Variants in DIP2C observed in about 807,000 individuals in gnomAD.
The protein encoded by DIP2C is disco-interacting protein 2 homolog C.
In DIP2C, 33 loss-of-function variants were observed where a neutral mutation model predicts 192.4. That is an observed-to-expected ratio of 0.17 (90% CI 0.13 to 0.23). The LOEUF is 0.23. DIP2C is among the 10% of genes least tolerant of loss of function. The probability of loss-of-function intolerance (pLI) is 1.00; values close to 1 mark genes in which losing one functional copy is unlikely to be tolerated. For missense variants in DIP2C, 1,537 were observed against 2,110.1 expected (o/e 0.73, Z 5.32); for synonymous variants, 979 against 864.1 (o/e 1.13, Z -2.33).
Position 298,076 on chromosome 10 carries a change from G to A in DIP2C, c.3987-9655C>T, listed in dbSNP as rs542056720. Among the ~76,000 whole-genome samples, 16 of 152,242 alleles carry A rather than the reference G, an allele frequency of 1.1e-4. No individual in the cohort carries two copies. In the East Asian group the frequency reaches 1.9e-3, roughly 18 times the overall value. On this transcript the variant is annotated intron_variant, in intron 32 of 36. Transcript: ENST00000280886. ...AGAATTAGTAAGCCAACAGTGAGAC[G>A]ATTTAAATCTATCCTTTACTCAGCC... is the stretch of plus-strand genomic sequence containing the variant.
At chr10:532,243 C>T (rs1226352701) in intron 1 of DIP2C, among the ~76,000 whole-genome samples, 3 of 152,122 alleles carry the variant, frequency 2.0e-5, no homozygotes, top group Non-Finnish European at 1.5e-5. Flanking sequence ...TCCAGTTACC[C>T]ACTCATGTCC....
chr10:396,864 G>C (rs927216035), intron 10 of DIP2C, among the ~76,000 whole-genome samples: 8 of 123,800 alleles, frequency 6.5e-5, no homozygotes, highest in African/African-American at 1.5e-4. Flanking sequence ...CGGTGGGGGG[G>C]AAACTGGCAT....
chr10:539,990 C>T lies in DIP2C; in HGVS notation c.86-53460G>A, dbSNP rs59496312. ...ACAAGATGATCAAAAAAGCCATTTG[C>T]AGAAAGCCACTTTCCCCTTCACTTT... is the stretch of plus-strand genomic sequence containing the variant. On this transcript the variant is annotated intron_variant, in intron 1 of 36. Coordinates refer to ENST00000280886, the MANE Select transcript of DIP2C (RefSeq NM_014974.3). Among the ~76,000 whole-genome samples, 582 of 152,308 alleles carry T rather than the reference C, an allele frequency of 3.8e-3. 7 individuals are homozygous for T. Among genetic ancestry groups the T allele is most frequent in the East Asian group, 0.03 (155 of 5,194 alleles).
chr10:619,990 T>C (rs955903862), intron 1 of DIP2C, among the ~76,000 whole-genome samples: 2 of 152,134 alleles, frequency 1.3e-5, no homozygotes, highest in African/African-American at 4.8e-5. Context: ...ACTAAGCACA[T>C]CACCGGCAAG....
At chr10:593,485 A>ACCCC (rs10563749) in intron 1 of DIP2C, among the ~76,000 whole-genome samples, 19 of 64,196 alleles carry the variant, frequency 3.0e-4, no homozygotes, top group East Asian at 5.1e-4. Flanking sequence ...CCCACGCGGG[A>ACCCC]CCCCCCCCCC....
chr10:655,047 T>C (rs971640803), intron 1 of DIP2C, among the ~76,000 whole-genome samples: 168 of 152,258 alleles, frequency 1.1e-3, no homozygotes, highest in African/African-American at 3.9e-3. Flanking sequence ...ATAGGGGAAC[T>C]TGCTCAGGGG....
intron 1 of DIP2C, chr10:663,493 G>C (rs1405691455): frequency 1.3e-5 from 2 of 152,282 alleles, no homozygotes; most frequent in Non-Finnish European, 2.9e-5. Flanking sequence ...CCACAGCCCT[G>C]CATCCCAGGA....
chr10:609,383 T>G (rs1852904901), intron 1 of DIP2C, among the ~76,000 whole-genome samples: 1 of 152,202 alleles, frequency 6.6e-6, no homozygotes, highest in African/African-American at 2.4e-5. Flanking sequence ...AAATAGATCT[T>G]TACATTCACT....
intron 3 of DIP2C, among the ~76,000 whole-genome samples, chr10:460,551 T>C (rs1300315223): frequency 6.6e-6 from 1 of 152,184 alleles, no homozygotes; most frequent in Non-Finnish European, 1.5e-5. Flanking sequence ...AGGTCAATTA[T>C]GTAAGCAATA....
intron 1 of DIP2C, among the ~76,000 whole-genome samples, chr10:531,090 C>T (rs1309354843): frequency 2.0e-5 from 3 of 152,198 alleles, no homozygotes; most frequent in Admixed American, 1.3e-4. Flanking sequence ...TAAACGTCTG[C>T]GCCCAACAGC....
chr10:589,664 G>T lies in DIP2C; in HGVS notation c.85+99830C>A, dbSNP rs139153063. Among the ~76,000 whole-genome samples, 6 of 152,176 alleles carry T rather than the reference G, an allele frequency of 3.9e-5. No homozygotes were observed. The East Asian group carries it at 1.2e-3, about 29-fold the overall frequency. On this transcript the variant is annotated intron_variant, in intron 1 of 36. Coordinates refer to ENST00000280886, the MANE Select transcript of DIP2C (RefSeq NM_014974.3). ...TGTGTCCCTCCTGAGCATAATTTAC[G>T]ACTTCAGTGGATGTCTCTTTGTGAA...
At chr10:650,385 A>G (rs1351487602) in intron 1 of DIP2C, 1 of 716,760 alleles carries the variant, frequency 1.4e-6, no homozygotes, top group Non-Finnish European at 2.6e-6. Flanking sequence ...AGCCCACGGC[A>G]GCCACACGCC....
intron 8 of DIP2C, among the ~76,000 whole-genome samples, chr10:411,140 C>CTA (rs1408284393): frequency 3.9e-5 from 6 of 152,222 alleles, no homozygotes; most frequent in African/African-American, 1.4e-4. Context: ...CAGCGTGCTG[C>CTA]TAGCTCAAGC....
At chr10:329,379 G>A (rs778369895) in intron 30 of DIP2C, 54 bp downstream of exon 30, 107 of 1,540,014 alleles carry the variant, frequency 6.9e-5, no homozygotes, top group Non-Finnish European at 8.7e-5. Context: ...TGCCTTCTTA[G>A]AAAGGAGTCC....
chr10:333,919 G>A lies in DIP2C; in HGVS notation c.3585-4318C>T, dbSNP rs1162374855. Reference sequence around the variant, plus strand: ...TAATTAACGCTAGGTATCTTTTCACGTCCTTATTGGCCATTTGTATGTCTT... The same window carrying A: ...TAATTAACGCTAGGTATCTTTTCACATCCTTATTGGCCATTTGTATGTCTT... On this transcript the variant is annotated intron_variant, in intron 29 of 36. Coordinates refer to ENST00000280886, the MANE Select transcript of DIP2C (RefSeq NM_014974.3). Among the ~76,000 whole-genome samples, 4 of 152,048 alleles carry A rather than the reference G, an allele frequency of 2.6e-5. No homozygotes were observed. The South Asian group carries it at 6.2e-4, about 24-fold the overall frequency.
intron 24 of DIP2C, among the ~76,000 whole-genome samples, chr10:353,034 C>G (rs1958899330): frequency 6.6e-6 from 1 of 152,168 alleles, no homozygotes. Context: ...CTCTGGCATC[C>G]TCATCAACAT....
intron 7 of DIP2C, among the ~76,000 whole-genome samples, chr10:414,736 TGTGTAC>T (rs1475272728): frequency 7.4e-4 from 65 of 88,200 alleles, no homozygotes; most frequent in East Asian, 5.6e-3. Context: ...TGTGTGTGTG[TGTGTAC>T]ATATATATAT....
chr10:452,742 C>T (rs535743929), intron 3 of DIP2C, among the ~76,000 whole-genome samples: 2 of 152,276 alleles, frequency 1.3e-5, no homozygotes, highest in African/African-American at 4.8e-5. Context: ...GAGAAAACAC[C>T]ACACACCGCT....
Position 407,162 on chromosome 10 carries a change from G to A in DIP2C, c.1149+1764C>T, listed in dbSNP as rs541652561. Among the ~76,000 whole-genome samples, 21 of 152,302 alleles carry A rather than the reference G, an allele frequency of 1.4e-4. No homozygotes were observed. In the South Asian group the frequency reaches 4.2e-3, roughly 30 times the overall value. ...ATTGCAATCCCCGTCTAGACAAATC[G>A]GCTCTGGCCAGGCAGCGGGCAAGGT... On this transcript the variant is annotated intron_variant, in intron 9 of 36. Transcript: ENST00000280886.
Sources: allele counts gnomAD v4.1 joint callset (sites outside exome capture counted in the v4.1 genomes callset), GRCh38; gene constraint gnomAD v4.1.1; transcripts MANE v1.5; gene names NCBI Gene and HGNC (gene_info 2026-07-23, HGNC 2026-07-21).